Variants in USH2A observed in about 807,000 individuals in gnomAD.
The protein encoded by USH2A is usherin, also known as Usher syndrome 2A (autosomal recessive, mild).
Under a neutral mutation model 538.9 loss-of-function variants are expected in USH2A, and 443 were observed. That is an observed-to-expected ratio of 0.82 (90% CI 0.76 to 0.89). The LOEUF (loss-of-function observed/expected upper bound fraction) is 0.89, where lower values mean the gene tolerates loss of function less well. Among genes scored for constraint, USH2A ranks in the 40% least tolerant of loss-of-function variants. The pLI is 0.00. For missense variants in USH2A, 6,633 were observed against 6,324.8 expected (o/e 1.05, Z -1.65); for synonymous variants, 2,413 against 2,273.5 (o/e 1.06, Z -1.75).
At position 215,645,189 on chromosome 1, in the gene USH2A, G is replaced by T. The variant is rs568673845; in HGVS notation, c.14791+2333C>A. ...GGAGAAATGGGTGAGCTGGGTTGTG[G>T]GCATGAAGGGAGAAAGGGTGAGCGG... On this transcript the variant is annotated intron_variant, in intron 67 of 71. Coordinates refer to ENST00000307340, the MANE Select transcript of USH2A (RefSeq NM_206933.4). 5.9e-5 allele frequency among the ~76,000 whole-genome samples: 9 copies of T among 152,226 alleles called. No homozygotes were observed. In the South Asian group the frequency reaches 1.9e-3, roughly 32 times the overall value.
At chr1:215,858,547 GC>G (rs1664232422) in intron 44 of USH2A, among the ~76,000 whole-genome samples, 1 of 149,758 alleles carries the variant, frequency 6.7e-6, no homozygotes, top group African/African-American at 2.5e-5. Context: ...GTTTCCTGAG[GC>G]CTTTCCAGCC....
At chr1:215,765,320 T>A (rs916698726) in intron 56 of USH2A, among the ~76,000 whole-genome samples, 10 of 152,152 alleles carry the variant, frequency 6.6e-5, no homozygotes, top group African/African-American at 2.4e-4. Context: ...ACATTCTTTA[T>A]ATAGAAAACA....
At chr1:216,066,559 T>C (rs912503626) in intron 30 of USH2A, among the ~76,000 whole-genome samples, 11 of 152,158 alleles carry the variant, frequency 7.2e-5, no homozygotes, top group Non-Finnish European at 1.3e-4. Context: ...ACAGATATCC[T>C]GTAGGTAACT....
intron 13 of USH2A, among the ~76,000 whole-genome samples, chr1:216,244,293 G>A (rs2035992378): frequency 6.6e-6 from 1 of 152,132 alleles, no homozygotes; most frequent in South Asian, 2.1e-4. Context: ...ATGGGAGAAA[G>A]GGAATATCAG....
intron 37 of USH2A, among the ~76,000 whole-genome samples, chr1:215,940,630 A>G (rs1385013403): frequency 1.3e-5 from 2 of 152,082 alleles, no homozygotes; most frequent in Admixed American, 6.6e-5. Flanking sequence ...ACATATGCCT[A>G]CGAAGCTGTC....
chr1:215,858,674 G>T (rs1052311097), intron 44 of USH2A, among the ~76,000 whole-genome samples: 3 of 151,732 alleles, frequency 2.0e-5, no homozygotes, highest in African/African-American at 7.3e-5. Context: ...GAAAAAGGTT[G>T]TAACCTTTTT....
chr1:216,381,285 G>T (rs746239999), intron 3 of USH2A, among the ~76,000 whole-genome samples: 1 of 152,046 alleles, frequency 6.6e-6, no homozygotes, highest in African/African-American at 2.4e-5. Flanking sequence ...AAAATATCAT[G>T]GTTAAAACTC....
rs563402944 is a variant in USH2A, at chr1:215,637,637, G to A, written c.15052+1518C>T. On this transcript the variant is annotated intron_variant, in intron 69 of 71. Coordinates refer to ENST00000307340, the MANE Select transcript of USH2A (RefSeq NM_206933.4). ...ATAAGCCGTATGAGAAGAATTAAGT[G>A]TTGTAGGAAATTTTATATGACATCC... Among the ~76,000 whole-genome samples, 4 of 152,238 alleles carry A rather than the reference G, an allele frequency of 2.6e-5. No homozygotes were observed. The East Asian group carries it at 7.7e-4, about 29-fold the overall frequency.
At chr1:215,842,695 C>G (rs1663716283) in intron 46 of USH2A, among the ~76,000 whole-genome samples, 1 of 151,924 alleles carries the variant, frequency 6.6e-6, no homozygotes, top group South Asian at 2.1e-4. Flanking sequence ...TTATCCTCAG[C>G]AAACTAACAC....
chr1:215,954,525 G>A (rs1667014030), intron 37 of USH2A, among the ~76,000 whole-genome samples: 1 of 138,080 alleles, frequency 7.2e-6, no homozygotes, highest in Non-Finnish European at 1.5e-5. Context: ...GAGAACACAT[G>A]GACACAGGAA....
chr1:215,853,358 TGG>T (rs1237211038), intron 44 of USH2A, among the ~76,000 whole-genome samples: 1 of 152,176 alleles, frequency 6.6e-6, no homozygotes, highest in Non-Finnish European at 1.5e-5. Context: ...ATGGGAACCC[TGG>T]GTCTGGCCCT....
At chr1:215,905,733 C>T (rs1329165696) in intron 38 of USH2A, among the ~76,000 whole-genome samples, 1 of 152,036 alleles carries the variant, frequency 6.6e-6, no homozygotes, top group African/African-American at 2.4e-5. Context: ...CTCCCACCAA[C>T]TCTTCCTGTG....
chr1:216,090,269 T>C (rs1356292772), intron 22 of USH2A, among the ~76,000 whole-genome samples: 1 of 151,924 alleles, frequency 6.6e-6, no homozygotes, highest in African/African-American at 2.4e-5. Flanking sequence ...TTGAAAAACA[T>C]ACAATGTTAA....
chr1:215,799,879 G>A (rs958046789), intron 49 of USH2A, among the ~76,000 whole-genome samples: 1 of 152,032 alleles, frequency 6.6e-6, no homozygotes, highest in Non-Finnish European at 1.5e-5. Flanking sequence ...CCACCTACTC[G>A]AGAGGCTGAG....
rs138501320 is a variant in USH2A at position 215,753,432 on chromosome 1, C to T, written c.11389+5163G>A. 0.034 allele frequency among the ~76,000 whole-genome samples: 5,176 copies of T among 152,194 alleles called. 484 individuals carry two copies. The East Asian group carries it at 0.36, about 11-fold the overall frequency. On this transcript the variant is annotated intron_variant, in intron 58 of 71. Coordinates refer to ENST00000307340, the MANE Select transcript of USH2A (RefSeq NM_206933.4). ...AACCCAAATGTCCAACAATGATAGA[C>T]AGGATTAAGAAAATGTGGCACATAT...
chr1:216,402,981 C>G (rs1363425495), intron 3 of USH2A, among the ~76,000 whole-genome samples: 1 of 152,084 alleles, frequency 6.6e-6, no homozygotes, highest in Admixed American at 6.6e-5. Context: ...GAGGAAGGAT[C>G]TTAAAACATT....
intron 4 of USH2A, among the ~76,000 whole-genome samples, chr1:216,359,604 T>G (rs2102701747): frequency 6.6e-6 from 1 of 152,122 alleles, no homozygotes; most frequent in African/African-American, 2.4e-5. Context: ...AAAAACAAAA[T>G]AACATTTTAT....
intron 46 of USH2A, among the ~76,000 whole-genome samples, chr1:215,839,151 T>C (rs1663607632): frequency 6.6e-6 from 1 of 152,180 alleles, no homozygotes; most frequent in African/African-American, 2.4e-5. Flanking sequence ...TAGTGGATAT[T>C]TAAACACTAT....
Position 216,040,096 on chromosome 1 carries a change from C to T in USH2A, c.6325+6335G>A, listed in dbSNP as rs981549911. On this transcript the variant is annotated intron_variant, in intron 32 of 71. Coordinates refer to ENST00000307340, the MANE Select transcript of USH2A (RefSeq NM_206933.4). Reference sequence around the variant, plus strand: ...ACACACACACACACGCATGCACACACTCATTACATTGCTATTATCTATATC... The same window carrying T: ...ACACACACACACACGCATGCACACATTCATTACATTGCTATTATCTATATC... Among the ~76,000 whole-genome samples, 3 of 150,544 alleles carry T rather than the reference C, an allele frequency of 2.0e-5. 1 individual carries two copies. In the South Asian group the frequency reaches 6.3e-4, roughly 31 times the overall value.
Sources: allele counts gnomAD v4.1 joint callset (sites outside exome capture counted in the v4.1 genomes callset), GRCh38; gene constraint gnomAD v4.1.1; transcripts MANE v1.5; gene names NCBI Gene and HGNC (gene_info 2026-07-23, HGNC 2026-07-21).